The following STARD13 variants were observed in gnomAD, a reference collection of about 807,000 sequenced individuals.
STARD13 encodes stAR-related lipid transfer protein 13.
A neutral mutation model predicts 106.4 loss-of-function variants in STARD13; 62 were observed. The observed-to-expected ratio is 0.58, with a 90% CI of 0.48 to 0.72. The LOEUF (loss-of-function observed/expected upper bound fraction) is 0.72. Ranked by LOEUF, STARD13 falls within the 30% of genes least tolerant of loss-of-function variation. STARD13 has a pLI of 0.00. For missense variants in STARD13, 1,387 were observed against 1,424.0 expected, an observed-to-expected ratio of 0.97 and a Z score of 0.42; for synonymous variants, 565 against 553.0, an observed-to-expected ratio of 1.02 and a Z score of -0.31.
the STARD13 span, among the ~76,000 whole-genome samples, chr13:33,479,789 T>A: frequency 1.1e-3 from 168 of 152,216 alleles, no homozygotes; most frequent in African/African-American, 3.8e-3. Flanking sequence ...TCTCGTGAGA[T>A]CTGGTTGTTT....
the STARD13 span, among the ~76,000 whole-genome samples, chr13:33,411,514 A>G: frequency 6.6e-6 from 1 of 152,248 alleles, no homozygotes; most frequent in East Asian, 1.9e-4. Flanking sequence ...CACTTCAGCA[A>G]TGATGAGGCT....
chr13:33,606,409 A>T, the STARD13 span, among the ~76,000 whole-genome samples: 1 of 152,242 alleles, frequency 6.6e-6, no homozygotes, highest in African/African-American at 2.4e-5. Context: ...TCAGGATATT[A>T]TAAGTTCTTA....
At chr13:33,407,341 A>G in the STARD13 span, among the ~76,000 whole-genome samples, 2 of 152,180 alleles carry the variant, frequency 1.3e-5, no homozygotes, top group Non-Finnish European at 2.9e-5. Context: ...TAGGTGTTCC[A>G]TCTTGCAGAT....
intron 1 of STARD13, among the ~76,000 whole-genome samples, chr13:33,296,371 T>C (rs1892494745): frequency 6.6e-6 from 1 of 152,160 alleles, no homozygotes; most frequent in Admixed American, 6.5e-5. Flanking sequence ...ATACAATCTT[T>C]ATCAGTCAAT....
the STARD13 span, among the ~76,000 whole-genome samples, chr13:33,561,871 C>A: frequency 6.8e-6 from 1 of 146,900 alleles, no homozygotes; most frequent in African/African-American, 2.5e-5. Flanking sequence ...GCTGTCATTT[C>A]TTTCTGCTTA....
At chr13:33,134,645 A>T (rs1172553921) in intron 4 of STARD13, among the ~76,000 whole-genome samples, 1 of 152,242 alleles carries the variant, frequency 6.6e-6, no homozygotes, top group East Asian at 1.9e-4. Flanking sequence ...ATGATTTATC[A>T]ACAGAACCAA....
chr13:33,410,769 T>C, the STARD13 span, among the ~76,000 whole-genome samples: 1 of 152,214 alleles, frequency 6.6e-6, no homozygotes, highest in African/African-American at 2.4e-5. Flanking sequence ...TCTGGAACCA[T>C]ACAGAACATT....
At chr13:33,511,707 T>C in the STARD13 span, among the ~76,000 whole-genome samples, 4 of 152,142 alleles carry the variant, frequency 2.6e-5, no homozygotes, top group African/African-American at 9.7e-5. Flanking sequence ...TAGAGTCAAG[T>C]ACAAAACTGG....
At chr13:33,195,110 A>G (rs1255669305) in intron 1 of STARD13, among the ~76,000 whole-genome samples, 1 of 152,240 alleles carries the variant, frequency 6.6e-6, no homozygotes, top group Admixed American at 6.5e-5. Flanking sequence ...GGATGTAATC[A>G]TGTTCAATGA....
intron 3 of STARD13, among the ~76,000 whole-genome samples, chr13:33,157,325 T>G (rs1247151934): frequency 2.6e-5 from 4 of 152,210 alleles, no homozygotes; most frequent in Non-Finnish European, 5.9e-5. Flanking sequence ...TAGTATTTAT[T>G]AAAAAACACA....
At chr13:33,301,524 T>G (rs1029774937) in intron 1 of STARD13, among the ~76,000 whole-genome samples, 2 of 151,958 alleles carry the variant, frequency 1.3e-5, no homozygotes, top group African/African-American at 4.8e-5. Context: ...AATCAAGTTC[T>G]TCTGCAGGAA....
chr13:33,332,784 A>G (rs1200082467), intron 1 of STARD13, among the ~76,000 whole-genome samples: 1 of 152,162 alleles, frequency 6.6e-6, no homozygotes, highest in African/African-American at 2.4e-5. Flanking sequence ...ACACTTACAT[A>G]TAGTTATTAT....
At position 33,110,015 on chromosome 13, in the gene STARD13, G is replaced by A. The variant is rs746962076; in HGVS notation, c.2905C>T (p.Arg969Cys). 42 of 1,614,082 alleles carry A rather than the reference G, an allele frequency of 2.6e-5. No individual in the cohort carries two copies. The highest frequency in any genetic ancestry group is 4.5e-5 in the East Asian group (2 of 44,902). Residue 969 changes from arginine (R) to cysteine (C), a missense_variant, in exon 12 of 14, where the codon CGC becomes TGC. Physicochemically the swap from Arg to Cys is radical, Grantham distance 180. Coordinates refer to ENST00000336934, the MANE Select transcript of STARD13 (RefSeq NM_178006.4). ...CACAGGTGGCGCTCTCTCAGCACGC[G>A]GTTCAGGACCACTGAGGGGGGTGCT... The part of the protein sequence containing the change: ...VEAPPSVVLN[R>C]VLRERHLWDE...
chr13:33,548,474 C>T, the STARD13 span, among the ~76,000 whole-genome samples: 1 of 152,008 alleles, frequency 6.6e-6, no homozygotes, highest in Non-Finnish European at 1.5e-5. Flanking sequence ...GGAGTGGACT[C>T]GTGGAAAATG....
chr13:33,486,209 A>G, the STARD13 span, among the ~76,000 whole-genome samples: 1 of 152,168 alleles, frequency 6.6e-6, no homozygotes, highest in Non-Finnish European at 1.5e-5. Flanking sequence ...CTCAGTGTCC[A>G]TACACTTAAC....
chr13:33,571,329 A>G, the STARD13 span, among the ~76,000 whole-genome samples: 1 of 152,210 alleles, frequency 6.6e-6, no homozygotes, highest in African/African-American at 2.4e-5. Flanking sequence ...AAGGTCTTTC[A>G]ATCCATAAAA....
chr13:33,430,676 T>C, the STARD13 span, among the ~76,000 whole-genome samples: 1 of 152,216 alleles, frequency 6.6e-6, no homozygotes, highest in Non-Finnish European at 1.5e-5. Context: ...TCAACCTAAG[T>C]GCCCTTCAAT....
intron 1 of STARD13, among the ~76,000 whole-genome samples, chr13:33,285,196 C>T (rs1051821134): frequency 2.0e-5 from 3 of 152,158 alleles, no homozygotes; most frequent in African/African-American, 7.2e-5. Flanking sequence ...CAGTTCTCAT[C>T]TGTTCTGTAG....
chr13:33,641,041 G>A, the STARD13 span, among the ~76,000 whole-genome samples: 1 of 152,202 alleles, frequency 6.6e-6, no homozygotes, highest in Admixed American at 6.5e-5. Flanking sequence ...GCACAGCCAT[G>A]TAGAAATAGG....
Sources: gnomAD v4.1 joint callset for allele counts (sites outside exome capture counted in the v4.1 genomes callset) on GRCh38, gnomAD v4.1.1 for gene constraint, MANE v1.5 for transcripts, NCBI Gene and HGNC (gene_info 2026-07-23, HGNC 2026-07-21) for gene names.